Variants in BPTF observed in about 807,000 individuals in gnomAD.
BPTF encodes bromodomain PHD finger transcription factor.
BPTF carries 18 observed loss-of-function variants against 292.5 expected under a neutral mutation model. The ratio of observed to expected loss-of-function variants is 0.06; its 90% CI spans 0.04 to 0.09. BPTF has a LOEUF of 0.09. Among genes scored for constraint, BPTF ranks in the 10% least tolerant of loss-of-function variants. The pLI, the probability that BPTF is intolerant of heterozygous loss-of-function variation, is 1.00. For missense variants in BPTF, 2,726 were observed against 3,498.7 expected, an observed-to-expected ratio of 0.78 and a Z score of 5.57; for synonymous variants, 1,225 against 1,251.9, an observed-to-expected ratio of 0.98 and a Z score of 0.45.
chr17:67,909,277 C>G (rs867847688), intron 9 of BPTF, among the ~76,000 whole-genome samples: 15 of 88,538 alleles, frequency 1.7e-4, no homozygotes, highest in Admixed American at 5.5e-4. Flanking sequence ...GTCCCCCCCC[C>G]CCTTTTTTTT....
At chr17:67,861,618 A>G (rs1421954164) in intron 2 of BPTF, among the ~76,000 whole-genome samples, 1 of 152,110 alleles carries the variant, frequency 6.6e-6, no homozygotes, top group East Asian at 1.9e-4. Context: ...GCCCAGCCAT[A>G]GCTGGATGAT....
At chr17:67,886,895 A>G (rs1180677466) in intron 4 of BPTF, among the ~76,000 whole-genome samples, 2 of 152,098 alleles carry the variant, frequency 1.3e-5, no homozygotes, top group African/African-American at 2.4e-5. Context: ...ATTAATGGAC[A>G]TTTATGTTGT....
intron 23 of BPTF, chr17:67,951,140 A>G (rs2066315494): frequency 6.6e-6 from 1 of 152,072 alleles, no homozygotes; most frequent in African/African-American, 2.4e-5. Context: ...GCTTCATTAC[A>G]TAGTCATTAA....
intron 2 of BPTF, among the ~76,000 whole-genome samples, chr17:67,863,406 T>A (rs565497732): frequency 6.6e-6 from 1 of 152,300 alleles, no homozygotes; most frequent in East Asian, 1.9e-4. Flanking sequence ...TGCCTCAGCC[T>A]CCCAAGTAGC....
intron 2 of BPTF, among the ~76,000 whole-genome samples, chr17:67,855,942 C>T (rs2058666216): frequency 6.6e-6 from 1 of 152,208 alleles, no homozygotes; most frequent in African/African-American, 2.4e-5. Context: ...CTATGGTGTT[C>T]TGCAGTTTTA....
At chr17:67,925,125 G>A (rs2063768243) in intron 15 of BPTF, among the ~76,000 whole-genome samples, 3 of 150,870 alleles carry the variant, frequency 2.0e-5, no homozygotes, top group South Asian at 4.2e-4. Flanking sequence ...AGCTCTGTGG[G>A]TACACCAAGC....
intron 19 of BPTF, among the ~76,000 whole-genome samples, chr17:67,943,276 G>C (rs1555672856): frequency 1.3e-5 from 2 of 152,148 alleles, no homozygotes; most frequent in Admixed American, 1.3e-4. Context: ...AAAAGCAAGA[G>C]TAAATAAGTT....
chr17:67,891,375 C>T (rs2146254671), intron 4 of BPTF: 1 of 152,360 alleles, frequency 6.6e-6, no homozygotes, highest in East Asian at 1.9e-4. Flanking sequence ...TCTAAATTCC[C>T]TAGTGGAAAA....
intron 11 of BPTF, among the ~76,000 whole-genome samples, chr17:67,913,400 A>C (rs2062781478): frequency 6.6e-6 from 1 of 152,206 alleles, no homozygotes; most frequent in African/African-American, 2.4e-5. Flanking sequence ...AAAGTCTTAA[A>C]ATTTAAGGGA....
At chr17:67,918,954 T>C (rs2147138595) in intron 12 of BPTF, 116 bp downstream of exon 12, 2 of 1,100,442 alleles carry the variant, frequency 1.8e-6, no homozygotes, top group Non-Finnish European at 2.5e-6. Context: ...AGGTGGATCA[T>C]GAGGTCAGGA....
chr17:67,832,428 T>C (rs1287879148), intron 1 of BPTF, among the ~76,000 whole-genome samples: 1 of 152,176 alleles, frequency 6.6e-6, no homozygotes, highest in Non-Finnish European at 1.5e-5. Context: ...TCAACTATTA[T>C]TTTGTGATTG....
intron 1 of BPTF, among the ~76,000 whole-genome samples, chr17:67,847,508 C>T (rs1211503231): frequency 2.0e-5 from 3 of 149,502 alleles, no homozygotes; most frequent in Non-Finnish European, 3.0e-5. Flanking sequence ...GGTGAGACTC[C>T]GTCTAAAAAA....
intron 27 of BPTF, 134 bp downstream of exon 27, chr17:67,976,092 C>T: frequency 1.5e-6 from 1 of 669,784 alleles, no homozygotes; most frequent in Non-Finnish European, 2.3e-6. Context: ...ATAAATAAAT[C>T]AAGACTCCAG....
chr17:67,857,465 ATT>A (rs751472386), intron 2 of BPTF, among the ~76,000 whole-genome samples: 24 of 136,414 alleles, frequency 1.8e-4, no homozygotes, highest in Admixed American at 3.7e-4. Context: ...TGGACAGCAG[ATT>A]TTTTTTTTTT....
intron 18 of BPTF, 134 bp downstream of exon 18, chr17:67,932,153 C>A: frequency 1.4e-6 from 1 of 715,454 alleles, no homozygotes; most frequent in South Asian, 1.9e-5. Flanking sequence ...ATTTCTAATC[C>A]ATTGTGAGCT....
At chr17:67,837,301 T>A (rs2057207332) in intron 1 of BPTF, among the ~76,000 whole-genome samples, 1 of 152,212 alleles carries the variant, frequency 6.6e-6, no homozygotes, top group Non-Finnish European at 1.5e-5. Flanking sequence ...GGTAGATTCC[T>A]AGGACTGGGA....
intron 12 of BPTF, among the ~76,000 whole-genome samples, chr17:67,919,237 T>A (rs903932020): frequency 6.7e-6 from 1 of 150,332 alleles, no homozygotes; most frequent in Non-Finnish European, 1.5e-5. Context: ...ATGCTTGTTT[T>A]TTAGAAATAC....
At chr17:67,927,673 A>G (rs1318750377) in intron 15 of BPTF, among the ~76,000 whole-genome samples, 2 of 152,202 alleles carry the variant, frequency 1.3e-5, no homozygotes, top group Admixed American at 6.5e-5. Flanking sequence ...TCTGTCTCCA[A>G]TAAGCTTACC....
At chr17:67,978,134 G>A (rs529416721) in intron 27 of BPTF, among the ~76,000 whole-genome samples, 2 of 151,092 alleles carry the variant, frequency 1.3e-5, no homozygotes, top group Admixed American at 1.3e-4. Context: ...GATTACGGGC[G>A]TGAGCCACCG....
Sources: gnomAD v4.1 joint callset for allele counts (sites outside exome capture counted in the v4.1 genomes callset) on GRCh38, gnomAD v4.1.1 for gene constraint, MANE v1.5 for transcripts, NCBI Gene and HGNC (gene_info 2026-07-23, HGNC 2026-07-21) for gene names.